The following CSMD1 variants were observed in gnomAD, a reference collection of about 807,000 sequenced individuals.
CSMD1 encodes the protein CUB and sushi domain-containing protein 1.
CSMD1 carries 213 observed loss-of-function variants against 417.5 expected under a neutral mutation model. The ratio of observed to expected loss-of-function variants is 0.51; its 90% CI spans 0.46 to 0.57. The LOEUF is 0.57. CSMD1 is among the 20% of genes least tolerant of loss of function. The pLI is 0.00. For missense variants in CSMD1, 6,923 were observed against 4,529.7 expected, an observed-to-expected ratio of 1.53 and a Z score of -15.17; for synonymous variants, 2,862 against 1,736.8, an observed-to-expected ratio of 1.65 and a Z score of -16.11.
intron 68 of CSMD1, among the ~76,000 whole-genome samples, chr8:2,944,170 C>A (rs73657524): frequency 0.016 from 2,500 of 152,314 alleles, 53 homozygotes; most frequent in African/African-American, 0.053. Context: ...CACTTGCTCT[C>A]TTGCAATCTG....
intron 1 of CSMD1, among the ~76,000 whole-genome samples, chr8:4,951,936 C>T (rs2117287519): frequency 6.6e-6 from 1 of 151,344 alleles, no homozygotes; most frequent in African/African-American, 2.4e-5. Flanking sequence ...ATTATTTTTT[C>T]CCCTAGGCCT....
At chr8:4,918,390 G>A (rs1439468746) in intron 1 of CSMD1, among the ~76,000 whole-genome samples, 2 of 152,162 alleles carry the variant, frequency 1.3e-5, no homozygotes, top group Non-Finnish European at 2.9e-5. Context: ...CCCAGATTCA[G>A]ACCTTTCTGC....
At chr8:4,572,388 C>T (rs575845517) in intron 2 of CSMD1, among the ~76,000 whole-genome samples, 1 of 152,120 alleles carries the variant, frequency 6.6e-6, no homozygotes, top group African/African-American at 2.4e-5. Context: ...CTTAGTTTGG[C>T]TGGACATGAA....
intron 54 of CSMD1, among the ~76,000 whole-genome samples, chr8:2,988,693 C>G (rs1386260700): frequency 6.6e-6 from 1 of 152,096 alleles, no homozygotes; most frequent in Non-Finnish European, 1.5e-5. Context: ...AAAAGGGATA[C>G]CTTCTTTTAT....
chr8:3,899,387 G>GGGTATGCTGAT (rs1807577468), intron 5 of CSMD1, among the ~76,000 whole-genome samples: 1 of 152,196 alleles, frequency 6.6e-6, no homozygotes, highest in Non-Finnish European at 1.5e-5. Flanking sequence ...GACTGAACAT[G>GGGTATGCTGAT]ACCCATATGG....
chr8:3,937,556 C>G (rs1810586757), intron 5 of CSMD1, among the ~76,000 whole-genome samples: 1 of 152,124 alleles, frequency 6.6e-6, no homozygotes, highest in Admixed American at 6.6e-5. Flanking sequence ...ATTGCACACT[C>G]AACAGAATGC....
chr8:4,904,664 G>A (rs898629889), intron 1 of CSMD1, among the ~76,000 whole-genome samples: 5 of 152,146 alleles, frequency 3.3e-5, no homozygotes, highest in African/African-American at 7.2e-5. Flanking sequence ...AGTGTTGTGA[G>A]CCTGTCCTTG....
intron 25 of CSMD1, among the ~76,000 whole-genome samples, chr8:3,306,340 C>A (rs530885088): frequency 6.6e-6 from 1 of 152,162 alleles, no homozygotes; most frequent in Non-Finnish European, 1.5e-5. Context: ...TGCCCAGATG[C>A]TTTTTGTATT....
intron 5 of CSMD1, among the ~76,000 whole-genome samples, chr8:3,909,220 T>G (rs1415877869): frequency 6.6e-6 from 1 of 152,164 alleles, no homozygotes; most frequent in Admixed American, 6.5e-5. Flanking sequence ...AGTTATCCTC[T>G]CAACCTCGTC....
intron 49 of CSMD1, among the ~76,000 whole-genome samples, chr8:3,057,692 C>G (rs1345407959): frequency 6.6e-6 from 1 of 152,124 alleles, no homozygotes; most frequent in Non-Finnish European, 1.5e-5. Context: ...TTCCCCAAGT[C>G]TAATAGTCAT....
At chr8:4,213,153 G>C (rs536344125) in intron 3 of CSMD1, among the ~76,000 whole-genome samples, 1 of 152,062 alleles carries the variant, frequency 6.6e-6, no homozygotes, top group African/African-American at 2.4e-5. Flanking sequence ...TTTCTTACTA[G>C]GATATAAACC....
At chr8:4,415,093 TA>T (rs1796859113) in intron 3 of CSMD1, among the ~76,000 whole-genome samples, 1 of 152,066 alleles carries the variant, frequency 6.6e-6, no homozygotes, top group Admixed American at 6.6e-5. Context: ...TCTCACGGAG[TA>T]AGTTTTCTAT....
rs183640398 is a variant in CSMD1 at position 4,333,072 on chromosome 8, A to C, written c.415+86881T>G. ...TAAATGTCAAGAGCGTTTCATAGAAATACTACTTTTTTCAGGATGGAATTG... is the reference window on the plus strand; with the variant it reads ...TAAATGTCAAGAGCGTTTCATAGAACTACTACTTTTTTCAGGATGGAATTG... On this transcript the variant is annotated intron_variant, in intron 3 of 69. Transcript: ENST00000635120. 2.4e-3 allele frequency among the ~76,000 whole-genome samples: 367 copies of C among 152,266 alleles called. 1 individual carries two copies. Among genetic ancestry groups the C allele is most frequent in the Middle Eastern group, 6.8e-3 (2 of 294 alleles).
At chr8:4,061,979 C>T (rs4875265) in intron 3 of CSMD1, among the ~76,000 whole-genome samples, 78,398 of 151,968 alleles carry the variant, frequency 0.52, 22,512 homozygotes, top group Non-Finnish European at 0.65. Flanking sequence ...GATGCCAAAC[C>T]CCCTGCTGCC....
intron 3 of CSMD1, among the ~76,000 whole-genome samples, chr8:4,227,224 C>T (rs927540886): frequency 3.3e-5 from 5 of 152,092 alleles, no homozygotes; most frequent in Admixed American, 1.3e-4. Flanking sequence ...CTGCATGACC[C>T]GATGAGAATC....
intron 3 of CSMD1, among the ~76,000 whole-genome samples, chr8:4,034,166 T>G (rs1434996155): frequency 6.6e-6 from 1 of 152,238 alleles, no homozygotes; most frequent in African/African-American, 2.4e-5. Flanking sequence ...AGAGAACATT[T>G]TTAGAATACG....
rs11785937 is a variant in CSMD1, at chr8:3,146,596, C to T, written c.6032-3922G>A. 6.7e-3 allele frequency among the ~76,000 whole-genome samples: 1,017 copies of T among 152,172 alleles called. 5 individuals carry two copies. Among genetic ancestry groups the T allele is most frequent in the African/African-American group, 0.016 (683 of 41,520 alleles). ...CTCAGAGCCTAAAATTGTGAGCAACCACAGCTTATGCTGCCAACTGCCTCA... is the reference window on the plus strand; with the variant it reads ...CTCAGAGCCTAAAATTGTGAGCAACTACAGCTTATGCTGCCAACTGCCTCA... On this transcript the variant is annotated intron_variant, in intron 40 of 69. Transcript: ENST00000635120.
At chr8:4,155,548 C>T (rs1161413727) in intron 3 of CSMD1, among the ~76,000 whole-genome samples, 2 of 152,126 alleles carry the variant, frequency 1.3e-5, no homozygotes, top group South Asian at 2.1e-4. Flanking sequence ...AGTCTTAGGC[C>T]ATGTCTTAGA....
chr8:4,198,802 C>T (rs181728966), intron 3 of CSMD1, among the ~76,000 whole-genome samples: 2 of 152,200 alleles, frequency 1.3e-5, no homozygotes, highest in East Asian at 1.9e-4. Flanking sequence ...ACTAGATTAA[C>T]AGAGGTCATG....
Sources: allele counts gnomAD v4.1 joint callset (sites outside exome capture counted in the v4.1 genomes callset), GRCh38; gene constraint gnomAD v4.1.1; transcripts MANE v1.5; gene names NCBI Gene and HGNC (gene_info 2026-07-23, HGNC 2026-07-21).